Variants in DEPDC1B observed in about 807,000 individuals in gnomAD.
The protein encoded by DEPDC1B is DEP domain-containing protein 1B.
DEPDC1B carries 51 observed loss-of-function variants against 66.5 expected under a neutral mutation model. That is an observed-to-expected ratio of 0.77 (90% CI 0.61 to 0.97). DEPDC1B has a LOEUF of 0.97. Ranked by LOEUF, DEPDC1B falls within the 50% of genes least tolerant of loss-of-function variation. DEPDC1B has a pLI of 0.00. For synonymous variants in DEPDC1B, 226 were observed against 223.6 expected, an observed-to-expected ratio of 1.01 and a Z score of -0.10; for missense variants, 552 against 637.1, an observed-to-expected ratio of 0.87 and a Z score of 1.44.
chr5:60,695,402 A>T (rs2112051514), intron 1 of DEPDC1B, among the ~76,000 whole-genome samples: 1 of 152,198 alleles, frequency 6.6e-6, no homozygotes, highest in East Asian at 1.9e-4. Flanking sequence ...AGGGTGCCAC[A>T]CTTTTAAACA....
chr5:60,640,449 T>G (rs1176053133), intron 6 of DEPDC1B, among the ~76,000 whole-genome samples: 1 of 152,226 alleles, frequency 6.6e-6, no homozygotes, highest in Non-Finnish European at 1.5e-5. Flanking sequence ...GCCATATTTT[T>G]ATGACCTTTT....
intron 8 of DEPDC1B, 104 bp from the exon 9 acceptor site, chr5:60,603,671 G>A (rs1561354117): frequency 1.6e-6 from 2 of 1,213,382 alleles, no homozygotes; most frequent in Non-Finnish European, 2.2e-6. Context: ...CTAAGGCACA[G>A]GGTGCATATT....
At chr5:60,663,804 CT>C (rs2111954422) in intron 2 of DEPDC1B, among the ~76,000 whole-genome samples, 1 of 152,358 alleles carries the variant, frequency 6.6e-6, no homozygotes, top group Admixed American at 6.5e-5. Flanking sequence ...TTCCTCACCA[CT>C]TGTGGCTACA....
intron 3 of DEPDC1B, among the ~76,000 whole-genome samples, chr5:60,646,634 C>T (rs573941156): frequency 5.3e-5 from 8 of 152,218 alleles, no homozygotes; most frequent in Non-Finnish European, 7.4e-5. Context: ...CTTGTTATTC[C>T]CTGAACGAGG....
At chr5:60,676,096 A>AT (rs975417704) in intron 2 of DEPDC1B, among the ~76,000 whole-genome samples, 1 of 151,450 alleles carries the variant, frequency 6.6e-6, no homozygotes. Flanking sequence ...CCCAGCTACA[A>AT]TTTTTTTGTA....
intron 7 of DEPDC1B, among the ~76,000 whole-genome samples, chr5:60,638,357 G>C (rs1421306533): frequency 6.6e-6 from 1 of 152,080 alleles, no homozygotes; most frequent in Non-Finnish European, 1.5e-5. Context: ...AAAGAAATTA[G>C]ATTTCTAAAT....
intron 7 of DEPDC1B, among the ~76,000 whole-genome samples, chr5:60,607,310 A>G (rs566540275): frequency 9.3e-4 from 142 of 152,308 alleles, no homozygotes; most frequent in African/African-American, 3.2e-3. Flanking sequence ...AGGGCAGAAG[A>G]CAGATCTTTT....
At chr5:60,664,382 C>T (rs1056471192) in intron 2 of DEPDC1B, among the ~76,000 whole-genome samples, 1 of 152,162 alleles carries the variant, frequency 6.6e-6, no homozygotes, top group Non-Finnish European at 1.5e-5. Flanking sequence ...GTGGCCATCT[C>T]ATAATGTGAA....
At chr5:60,600,640 C>A (rs1752183144) in intron 9 of DEPDC1B, among the ~76,000 whole-genome samples, 1 of 152,186 alleles carries the variant, frequency 6.6e-6, no homozygotes, top group Non-Finnish European at 1.5e-5. Flanking sequence ...GGTAACTGGA[C>A]AAATGAATCA....
At chr5:60,610,036 G>A (rs1182087123) in intron 7 of DEPDC1B, among the ~76,000 whole-genome samples, 2 of 151,972 alleles carry the variant, frequency 1.3e-5, no homozygotes, top group Non-Finnish European at 2.9e-5. Context: ...CACAGGGTAG[G>A]GGTTCTTATC....
chr5:60,699,914 T>C, intron 1 of DEPDC1B, 132 bp downstream of exon 1: 1 of 1,100,422 alleles, frequency 9.1e-7, no homozygotes, highest in Non-Finnish European at 1.3e-6. Context: ...GCCCCAGTAG[T>C]CCCAGCTGAA....
intron 7 of DEPDC1B, among the ~76,000 whole-genome samples, chr5:60,608,451 T>G (rs914748847): frequency 6.7e-6 from 1 of 148,160 alleles, no homozygotes; most frequent in Non-Finnish European, 1.5e-5. Context: ...TTATATTATA[T>G]TATATTTATT....
At chr5:60,665,689 G>T (rs1422005454) in intron 2 of DEPDC1B, among the ~76,000 whole-genome samples, 1 of 152,148 alleles carries the variant, frequency 6.6e-6, no homozygotes, top group Non-Finnish European at 1.5e-5. Context: ...TTTTCCTGTT[G>T]GAAGCGGGGA....
In DEPDC1B at chr5:60,604,265, T is replaced by C. The variant is rs189281670; in HGVS notation, c.1066-698A>G. Among the ~76,000 whole-genome samples, 3 of 139,706 alleles carry C rather than the reference T, an allele frequency of 2.1e-5. No individual in the cohort carries two copies. In the East Asian group the frequency reaches 7.3e-4, roughly 34 times the overall value. 91.7% of individuals were successfully genotyped at this position (139,706 alleles called of 152,430 possible). A position where few individuals can be genotyped will look rare whatever the true frequency, so the allele number is the denominator to read the frequency against. On this transcript the variant is annotated intron_variant, in intron 8 of 10. Coordinates refer to ENST00000265036, the MANE Select transcript of DEPDC1B (RefSeq NM_018369.3). ...TTACGGAGTCTCGCTCTGTAACCTA[T>C]GCTGGAGTGCAATGGTGTGATCTTG...
At chr5:60,611,316 C>CT (rs1395327160) in intron 7 of DEPDC1B, among the ~76,000 whole-genome samples, 1 of 152,196 alleles carries the variant, frequency 6.6e-6, no homozygotes, top group Non-Finnish European at 1.5e-5. Context: ...GGTGGTTCCC[C>CT]TGTCTCTCTC....
At chr5:60,679,762 C>T (rs1048069195) in intron 2 of DEPDC1B, among the ~76,000 whole-genome samples, 3 of 152,202 alleles carry the variant, frequency 2.0e-5, no homozygotes, top group Non-Finnish European at 4.4e-5. Context: ...GAAACCTTTC[C>T]TGCTAAAGGG....
At position 60,667,870 on chromosome 5, in the gene DEPDC1B, G is replaced by T. The variant is rs544499524; in HGVS notation, c.314+19092C>A. 9.0e-4 allele frequency among the ~76,000 whole-genome samples: 74 copies of T among 82,606 alleles called. 22 individuals carry two copies. The highest frequency in any genetic ancestry group is 3.2e-3 in the African/African-American group (70 of 22,072). The allele number at this position is 82,606 out of a possible 152,430, so 54.2% of individuals were successfully genotyped here. A position where few individuals can be genotyped will look rare whatever the true frequency, so the allele number is the denominator to read the frequency against. On this transcript the variant is annotated intron_variant, in intron 2 of 10. Transcript: ENST00000265036. ...GATATTTTACATATATGTAAAAAATGGATATTTTACATATATGTAAAAAAT... is the reference window on the plus strand; with the variant it reads ...GATATTTTACATATATGTAAAAAATTGATATTTTACATATATGTAAAAAAT...
intron 7 of DEPDC1B, among the ~76,000 whole-genome samples, chr5:60,615,396 G>A (rs1423016822): frequency 6.6e-6 from 1 of 152,204 alleles, no homozygotes; most frequent in Admixed American, 6.5e-5. Flanking sequence ...CCCTTTCCTA[G>A]TCAAAGAAAG....
At chr5:60,642,630 C>G (rs1167362886) in intron 6 of DEPDC1B, among the ~76,000 whole-genome samples, 182 bp downstream of exon 6, 1 of 152,146 alleles carries the variant, frequency 6.6e-6, no homozygotes, top group Non-Finnish European at 1.5e-5. Flanking sequence ...TAAAACTGTT[C>G]TAGAATTCAG....
Sources: gnomAD v4.1 joint callset for allele counts (sites outside exome capture counted in the v4.1 genomes callset) on GRCh38, gnomAD v4.1.1 for gene constraint, MANE v1.5 for transcripts, NCBI Gene and HGNC (gene_info 2026-07-23, HGNC 2026-07-21) for gene names.